The following TACC2 variants were observed in gnomAD, a reference collection of about 807,000 sequenced individuals.
The protein encoded by TACC2 is transforming acidic coiled-coil containing protein 2.
A neutral mutation model predicts 227.3 loss-of-function variants in TACC2; 137 were observed. The observed-to-expected ratio is 0.60, with a 90% CI of 0.52 to 0.69. TACC2 has a LOEUF of 0.69. Ranked by LOEUF, TACC2 falls within the 30% of genes least tolerant of loss-of-function variation. The pLI is 0.00. For synonymous variants in TACC2, 1,523 were observed against 1,487.5 expected (o/e 1.02, Z -0.55); for missense variants, 3,470 against 3,694.4 (o/e 0.94, Z 1.57).
chr10:122,097,351 G>A (rs754567795), intron 5 of TACC2, among the ~76,000 whole-genome samples: 4 of 151,962 alleles, frequency 2.6e-5, no homozygotes, highest in Non-Finnish European at 5.9e-5. Context: ...AAAGGAGGAA[G>A]AAGAAAAAGA....
intron 7 of TACC2, among the ~76,000 whole-genome samples, chr10:122,188,316 A>G (rs549697638): frequency 1.3e-3 from 201 of 152,112 alleles, no homozygotes; most frequent in African/African-American, 4.5e-3. Context: ...GTCTCGCCCT[A>G]TCATCCAGGC....
chr10:122,080,858 G>T (rs1367170723), intron 3 of TACC2, among the ~76,000 whole-genome samples: 1 of 152,128 alleles, frequency 6.6e-6, no homozygotes, highest in Non-Finnish European at 1.5e-5. Flanking sequence ...AACGCTGTGG[G>T]CTTATGTGTG....
chr10:122,237,636 C>T (rs760918987), intron 17 of TACC2, 98 bp downstream of exon 17: 9 of 1,423,734 alleles, frequency 6.3e-6, no homozygotes, highest in South Asian at 1.4e-5. Flanking sequence ...AGACTTTGTC[C>T]TCTGAACGCT....
At chr10:121,995,353 C>T (rs1953307467) in intron 1 of TACC2, among the ~76,000 whole-genome samples, 1 of 152,222 alleles carries the variant, frequency 6.6e-6, no homozygotes, top group South Asian at 2.1e-4. Context: ...GAGAATCCTA[C>T]AGTTCAGTTA....
chr10:122,220,812 C>A lies in TACC2; in HGVS notation c.7547-3914C>A, dbSNP rs552227966. Among the ~76,000 whole-genome samples the A allele has an allele frequency of 2.0e-5, 3 of 152,306 alleles. No homozygotes were observed. The South Asian group carries it at 6.2e-4, about 32-fold the overall frequency. On this transcript the variant is annotated intron_variant, in intron 11 of 22. Transcript: ENST00000369005. ...GCAGAGTCTTTTACATTCATGATTT[C>A]ATTTCATCCTCTCAGTCTGCAGAGT...
chr10:122,175,077 C>T (rs2093640119), intron 7 of TACC2, among the ~76,000 whole-genome samples: 1 of 152,108 alleles, frequency 6.6e-6, no homozygotes, highest in Non-Finnish European at 1.5e-5. Context: ...CTCAGATGAT[C>T]CTCCCATCTC....
Position 122,254,295 on chromosome 10 carries a change from TC to T in TACC2, c.*240del. ...GCAAGTTGACCTCAGAGTTCCTGTA[TC>T]AGGGAGATTGTCTGATTCTCTAATA... On this transcript the variant is annotated 3_prime_UTR_variant, in exon 23 of 23. Transcript: ENST00000369005. The T allele has an allele frequency of 1.8e-6, 1 of 541,358 alleles. No homozygotes were observed. Among genetic ancestry groups the T allele is most frequent in the Non-Finnish European group, 3.4e-6 (1 of 297,214 alleles). The allele number at this position is 541,358 out of a possible 1,614,324, so 33.5% of individuals were successfully genotyped here.
intron 3 of TACC2, among the ~76,000 whole-genome samples, chr10:122,054,616 GCCATTTCCTGTGCTT>G (rs900654425): frequency 1.1e-4 from 16 of 152,166 alleles, no homozygotes; most frequent in Non-Finnish European, 2.2e-4. Flanking sequence ...TTGGTCATTG[GCCATTTCCTGTGCTT>G]CCATTTCCTG....
Position 122,084,094 on chromosome 10 carries a change from C to T in TACC2, c.1594C>T (p.Pro532Ser), listed in dbSNP as rs1190786875. 1 of 1,613,992 alleles carries T rather than the reference C, an allele frequency of 6.2e-7. No homozygotes were observed. Among genetic ancestry groups the T allele is most frequent in the Non-Finnish European group, 8.5e-7 (1 of 1,179,992 alleles). ...QSHEVQPGAP[P>S]PPLPKAPSES... ...CCATGAGGTCCAACCAGGAGCACCA[C>T]CCCCTCCTCTTCCCAAGGCACCAAG... The change falls in exon 4 of 23, where the codon CCC (proline) becomes TCC (serine). Residue 532 changes from proline (P) to serine (S), a missense_variant. Pro to Ser is a moderately conservative substitution (Grantham distance 74). Around this residue, in one of 10 missense-constraint regions of TACC2, gnomAD observed 1,924 missense variants for 1,978.3 expected, o/e 0.97. Transcript: ENST00000369005.
At position 122,084,525 on chromosome 10, in the gene TACC2, T is replaced by C. The variant is rs780554760; in HGVS notation, c.2025T>C (p.Asp675=). The change falls in exon 4 of 23, where the codon GAT becomes GAC. Residue 675 remains aspartate (D), a synonymous_variant. Transcript: ENST00000369005. ...EEDPVLPPVP[D]GAGEPTVPEG... is the part of the protein sequence containing the mutation. ...ACCCCGTCCTGCCCCCTGTGCCAGATGGAGCTGGTGAGCCCACTGTTCCCG... is the reference window on the plus strand; with the variant it reads ...ACCCCGTCCTGCCCCCTGTGCCAGACGGAGCTGGTGAGCCCACTGTTCCCG... 1.2e-6 allele frequency: 2 copies of C among 1,613,480 alleles called. No individual in the cohort carries two copies. The highest frequency in any genetic ancestry group is 2.7e-5 in the African/African-American group (2 of 74,924).
At chr10:122,078,195 C>CAAAAAA (rs1175837364) in intron 3 of TACC2, among the ~76,000 whole-genome samples, 3 of 37,658 alleles carry the variant, frequency 8.0e-5, no homozygotes, top group African/African-American at 1.1e-4. Flanking sequence ...ACTCCATCTC[C>CAAAAAA]AAAAAAAAAA....
At chr10:122,222,740 A>G (rs1002960987) in intron 11 of TACC2, among the ~76,000 whole-genome samples, 3 of 152,278 alleles carry the variant, frequency 2.0e-5, no homozygotes, top group African/African-American at 7.2e-5. Context: ...GCCCGGGGCC[A>G]CAGGCCCCTG....
chr10:122,176,103 CTCTCTCTCTCTCTCTATATATATATA>C (rs57269381), intron 7 of TACC2, among the ~76,000 whole-genome samples: 1,905 of 77,796 alleles, frequency 0.024, 23 homozygotes, highest in African/African-American at 0.073. Flanking sequence ...CTCTCTCTCT[CTCTCTCTCTCTCTCTATATATATATA>C]TATATATATA....
At chr10:122,099,307 C>G (rs1370142425) in intron 5 of TACC2, among the ~76,000 whole-genome samples, 2 of 152,182 alleles carry the variant, frequency 1.3e-5, no homozygotes, top group African/African-American at 4.8e-5. Context: ...GAGTGCCGAG[C>G]CTGGGCTTAA....
chr10:122,092,931 C>T (rs1240017375), intron 5 of TACC2, among the ~76,000 whole-genome samples: 2 of 152,224 alleles, frequency 1.3e-5, no homozygotes, highest in Non-Finnish European at 2.9e-5. Flanking sequence ...ATTTCACCTA[C>T]GTACATATAC....
intron 2 of TACC2, among the ~76,000 whole-genome samples, chr10:122,036,233 C>T (rs59707756): frequency 0.09 from 13,367 of 149,186 alleles, 705 homozygotes; most frequent in South Asian, 0.17. Context: ...CGCTCTGTCA[C>T]CCAGGATGGA....
At chr10:122,027,965 G>A (rs1284496630) in intron 2 of TACC2, among the ~76,000 whole-genome samples, 3 of 151,554 alleles carry the variant, frequency 2.0e-5, no homozygotes, top group Non-Finnish European at 2.9e-5. Context: ...GGTTGGTCTC[G>A]ATCTCCTGAC....
chr10:122,155,833 A>T (rs1051627209), intron 7 of TACC2, among the ~76,000 whole-genome samples: 105 of 118,310 alleles, frequency 8.9e-4, no homozygotes, highest in South Asian at 4.6e-3. Context: ...TAGTGGGAAA[A>T]TTTTTTTTTT....
At chr10:122,165,531 T>C (rs1410881280) in intron 7 of TACC2, among the ~76,000 whole-genome samples, 1 of 152,184 alleles carries the variant, frequency 6.6e-6, no homozygotes, top group Non-Finnish European at 1.5e-5. Context: ...TTAGATAGCT[T>C]CTGTTAGGTA....
Sources: allele counts gnomAD v4.1 joint callset (sites outside exome capture counted in the v4.1 genomes callset), GRCh38; gene constraint gnomAD v4.1.1; regional missense constraint gnomAD v4.1.1; transcripts MANE v1.5; gene names NCBI Gene and HGNC (gene_info 2026-07-23, HGNC 2026-07-21).